Variants in PRR14L observed in about 807,000 individuals in gnomAD.
PRR14L encodes the protein proline rich 14 like.
A neutral mutation model predicts 155.0 loss-of-function variants in PRR14L; 80 were observed. The observed-to-expected ratio is 0.52, with a 90% CI of 0.43 to 0.62. PRR14L has a LOEUF of 0.62. Ranked by LOEUF, PRR14L falls within the 20% of genes least tolerant of loss-of-function variation. The probability of loss-of-function intolerance (pLI) is 0.00; values close to 1 mark genes in which losing one functional copy is unlikely to be tolerated. For synonymous variants in PRR14L, 883 were observed against 916.0 expected, an observed-to-expected ratio of 0.96 and a Z score of 0.65; for missense variants, 2,469 against 2,548.0, an observed-to-expected ratio of 0.97 and a Z score of 0.67.
In PRR14L at chr22:31,714,089, A is replaced by G; in HGVS notation, c.3750T>C (p.Asn1250=). Residue 1250 remains asparagine, a synonymous_variant, in exon 4 of 9, where the codon AAT becomes AAC. Coordinates refer to ENST00000327423, the MANE Select transcript of PRR14L (RefSeq NM_173566.3). ...IMPSQENSET[N]VNSEETDLKN... Reference sequence around the variant, plus strand: ...TCAGGTCAGTTTCTTCACTGTTAACATTAGTTTCTGAATTTTCTTGAGAAG... The same window carrying G: ...TCAGGTCAGTTTCTTCACTGTTAACGTTAGTTTCTGAATTTTCTTGAGAAG... 6.5e-7 allele frequency: 1 copy of G among 1,550,082 alleles called. No homozygotes were observed. The highest frequency in any genetic ancestry group is 8.7e-7 in the Non-Finnish European group (1 of 1,146,646).
chr22:31,744,333 A>C (rs186236399), intron 1 of PRR14L, among the ~76,000 whole-genome samples: 134 of 152,232 alleles, frequency 8.8e-4, no homozygotes, highest in African/African-American at 3.1e-3. Flanking sequence ...GGGTTTCTCT[A>C]TGTTGGTCAG....
intron 6 of PRR14L, among the ~76,000 whole-genome samples, chr22:31,703,221 A>T (rs2074572062): frequency 1.3e-5 from 2 of 152,246 alleles, no homozygotes; most frequent in Non-Finnish European, 2.9e-5. Context: ...ACTGTTGAAG[A>T]CAACAGACGT....
In PRR14L at chr22:31,712,584, G is replaced by A. The variant is rs1460343936; in HGVS notation, c.5255C>T (p.Ala1752Val). ...CAPARLALGE[A>V]LQCPSQPPKW... ...GGGAGGTTGAGACGGGCACTGGAGG[G>A]CCTCTCCTAAGGCAAGCCTTGCCGG... The change falls in exon 4 of 9, where the codon GCC becomes GTC. Residue 1752 changes from alanine to valine, a missense_variant. Ala to Val is a moderately conservative substitution (Grantham distance 64). Transcript: ENST00000327423. 1 of 1,551,706 alleles carries A rather than the reference G, an allele frequency of 6.4e-7. No homozygotes were observed. Among genetic ancestry groups the A allele is most frequent in the East Asian group, 2.4e-5 (1 of 40,912 alleles).
chr22:31,712,564 G>A lies in PRR14L; in HGVS notation c.5275C>T (p.Pro1759Ser), dbSNP rs1190003188. 7.1e-6 allele frequency: 11 copies of A among 1,551,752 alleles called. No individual in the cohort carries two copies. Among genetic ancestry groups the A allele is most frequent in the Non-Finnish European group, 8.7e-6 (10 of 1,147,018 alleles). Reference protein sequence around the residue: ...LGEALQCPSQPPKWTFSFFLS... With the variant: ...LGEALQCPSQSPKWTFSFFLS... ...AAGAAAGAAAAGGTCCACTTGGGAGGTTGAGACGGGCACTGGAGGGCCTCT... is the reference window on the plus strand; with the variant it reads ...AAGAAAGAAAAGGTCCACTTGGGAGATTGAGACGGGCACTGGAGGGCCTCT... Residue 1759 changes from proline to serine, a missense_variant, in exon 4 of 9, where the codon CCT (proline) becomes TCT (serine). Coordinates refer to ENST00000327423, the MANE Select transcript of PRR14L (RefSeq NM_173566.3).
intron 1 of PRR14L, among the ~76,000 whole-genome samples, chr22:31,749,267 A>G (rs1346732606): frequency 6.6e-6 from 1 of 152,204 alleles, no homozygotes; most frequent in Non-Finnish European, 1.5e-5. Context: ...TCCAAAAGCC[A>G]TGCTCTTAAT....
chr22:31,749,060 T>C (rs775596612), intron 1 of PRR14L, among the ~76,000 whole-genome samples: 28 of 152,160 alleles, frequency 1.8e-4, no homozygotes, highest in Non-Finnish European at 3.4e-4. Flanking sequence ...TTTTAACAGA[T>C]TAAGTAATAG....
At chr22:31,727,035 G>C (rs1337244283) in intron 2 of PRR14L, among the ~76,000 whole-genome samples, 2 of 152,146 alleles carry the variant, frequency 1.3e-5, no homozygotes, top group East Asian at 3.9e-4. Context: ...GTGACATACA[G>C]GCTCCTTCAG....
intron 4 of PRR14L, among the ~76,000 whole-genome samples, chr22:31,706,974 G>A (rs1320983130): frequency 3.3e-5 from 5 of 151,828 alleles, no homozygotes; most frequent in East Asian, 1.9e-4. Flanking sequence ...GCTTGAACCC[G>A]GGAGGTGGAG....
At chr22:31,700,963 C>A (rs981889632) in intron 7 of PRR14L, among the ~76,000 whole-genome samples, 1 of 151,280 alleles carries the variant, frequency 6.6e-6, no homozygotes, top group Non-Finnish European at 1.5e-5. Context: ...GAAGCAAAAT[C>A]GATCAGAAGA....
chr22:31,694,260 G>A (rs1010793844), intron 7 of PRR14L, among the ~76,000 whole-genome samples: 6 of 152,202 alleles, frequency 3.9e-5, no homozygotes, highest in Admixed American at 2.0e-4. Flanking sequence ...CGGGAAAGGC[G>A]TGAGCCACTG....
chr22:31,734,201 G>C (rs1347007554), intron 2 of PRR14L, among the ~76,000 whole-genome samples: 2 of 152,032 alleles, frequency 1.3e-5, no homozygotes, highest in African/African-American at 4.8e-5. Context: ...TCAATCTCTT[G>C]ACCTCATCAT....
intron 2 of PRR14L, among the ~76,000 whole-genome samples, chr22:31,726,503 GTGATC>G (rs2074717498): frequency 6.6e-6 from 1 of 152,104 alleles, no homozygotes; most frequent in South Asian, 2.1e-4. Flanking sequence ...CTGACCTCAA[GTGATC>G]TGCCTACCTC....
chr22:31,717,013 T>C lies in PRR14L; in HGVS notation c.826A>G (p.Lys276Glu). 2 of 1,551,826 alleles carry C rather than the reference T, an allele frequency of 1.3e-6. No homozygotes were observed. Among genetic ancestry groups the C allele is most frequent in the South Asian group, 2.4e-5 (2 of 84,066 alleles). Residue 276 changes from lysine (K) to glutamate (E), a missense_variant, in exon 4 of 9, where the codon AAA becomes GAA. Physicochemically the swap from Lys to Glu is moderately conservative, Grantham distance 56. This residue lies in a region of PRR14L where 2,363 missense variants were observed against 2,371.6 expected (regional missense o/e 1.00). Transcript: ENST00000327423. The part of the protein sequence containing the change: ...TPKEKECEEL[K>E]SCPWLSLPGN... ...GGTAATGACAACCAAGGACAACTTT[T>C]TAATTCTTCACATTCTTTTTCTTTA...
chr22:31,727,593 C>G (rs1015089969), intron 2 of PRR14L, among the ~76,000 whole-genome samples: 1 of 152,116 alleles, frequency 6.6e-6, no homozygotes, highest in Admixed American at 6.6e-5. Flanking sequence ...ATTGACTTCT[C>G]TTAAAAGGTT....
chr22:31,696,885 C>T (rs888478841), intron 7 of PRR14L, among the ~76,000 whole-genome samples: 3 of 152,074 alleles, frequency 2.0e-5, no homozygotes, highest in Admixed American at 1.3e-4. Context: ...GAGGCCAAGG[C>T]GGGCAGATCA....
At chr22:31,709,257 T>G (rs549679663) in intron 4 of PRR14L, among the ~76,000 whole-genome samples, 6,838 of 150,310 alleles carry the variant, frequency 0.045, 200 homozygotes, top group South Asian at 0.066. Context: ...TGTTGTTGTT[T>G]TTTTTTTTTT....
In PRR14L at chr22:31,712,277, G is replaced by C. The variant is rs1433315579; in HGVS notation, c.5562C>G (p.Thr1854=). The change falls in exon 4 of 9, where the codon ACC becomes ACG. Residue 1854 remains threonine, a synonymous_variant. Transcript: ENST00000327423. ...HMPTMQRLFM[T]QFTQGLKGLR... is the part of the protein sequence containing the mutation. ...ACCCTTTCAGGCCCTGTGTAAACTG[G>C]GTCATGAAGAGCCTCTGCATGGTAG... is the stretch of plus-strand genomic sequence containing the variant. The C allele has an allele frequency of 3.1e-6, 5 of 1,614,032 alleles. No individual in the cohort carries two copies. The highest frequency in any genetic ancestry group is 4.2e-6 in the Non-Finnish European group (5 of 1,180,036).
At chr22:31,687,924 G>A (rs1313860719) in intron 8 of PRR14L, among the ~76,000 whole-genome samples, 4 of 151,180 alleles carry the variant, frequency 2.6e-5, no homozygotes, top group African/African-American at 7.3e-5. Context: ...CCAGCTACTC[G>A]GAGAGGCTGA....
rs373046808 is a variant in PRR14L at position 31,740,137 on chromosome 22, C to T, written c.-51-1226G>A. ...GTACCATGGTGCAATCGTTCCTCAC[C>T]GCAGCCTCCCTCTCCCAGACTCAAG... On this transcript the variant is annotated intron_variant, in intron 1 of 8. Coordinates refer to ENST00000327423, the MANE Select transcript of PRR14L (RefSeq NM_173566.3). Among the ~76,000 whole-genome samples, 10 of 152,104 alleles carry T rather than the reference C, an allele frequency of 6.6e-5. No homozygotes were observed. The East Asian group carries it at 9.7e-4, about 15-fold the overall frequency.
Sources: allele counts gnomAD v4.1 joint callset (sites outside exome capture counted in the v4.1 genomes callset), GRCh38; gene constraint gnomAD v4.1.1; regional missense constraint gnomAD v4.1.1; transcripts MANE v1.5; gene names NCBI Gene and HGNC (gene_info 2026-07-23, HGNC 2026-07-21).